Variants in NAGS observed in about 807,000 individuals in gnomAD.
NAGS encodes N-acetylglutamate synthase.
NAGS carries 34 observed loss-of-function variants against 46.9 expected under a neutral mutation model. The ratio of observed to expected loss-of-function variants is 0.72; its 90% CI spans 0.55 to 0.97. The LOEUF (loss-of-function observed/expected upper bound fraction) is 0.97. Ranked by LOEUF, NAGS falls within the 50% of genes least tolerant of loss-of-function variation. The probability of loss-of-function intolerance (pLI) is 0.00; values close to 1 mark genes in which losing one functional copy is unlikely to be tolerated. For missense variants in NAGS, 665 were observed against 747.0 expected, an observed-to-expected ratio of 0.89 and a Z score of 1.28; for synonymous variants, 334 against 346.3, an observed-to-expected ratio of 0.96 and a Z score of 0.39.
Position 44,005,174 on chromosome 17 carries a change from GC to G in NAGS, c.426+86del. 6.7e-7 allele frequency: 1 copy of G among 1,485,178 alleles called. No individual in the cohort carries two copies. 92.0% of individuals were successfully genotyped at this position (1,485,178 alleles called of 1,614,324 possible). ...GTCCTCAGGCATGGCAGGATACGCT[GC>G]GGGCTCTGCGCAGCGGAAGCGGGAA... On this transcript the variant is annotated intron_variant, in intron 1 of 6. Coordinates refer to ENST00000293404, the MANE Select transcript of NAGS (RefSeq NM_153006.3). The surrounding 1 kb of genome is among the most constrained non-coding windows in gnomAD (Gnocchi z 7.2).
In NAGS at chr17:44,007,201, T is replaced by C. The variant is rs762920984; in HGVS notation, c.1097-122T>C. 92 of 846,992 alleles carry C rather than the reference T, an allele frequency of 1.1e-4. No homozygotes were observed. The highest frequency in any genetic ancestry group is 1.6e-4 in the Non-Finnish European group (88 of 544,330). 52.5% of individuals were successfully genotyped at this position (846,992 alleles called of 1,614,324 possible). A position where few individuals can be genotyped will look rare whatever the true frequency, so the allele number is the denominator to read the frequency against. On this transcript the variant is annotated intron_variant, in intron 4 of 6. Transcript: ENST00000293404. The surrounding 1 kb of genome is among the most constrained non-coding windows in gnomAD (Gnocchi z 5.1). ...AAATCTATGCAGACCACTGAAATCA[T>C]TTCACTGTGGAGGTCTCCCAAAGAC...
In NAGS at chr17:44,007,076, G is replaced by A. The variant is rs2049103713; in HGVS notation, c.1097-247G>A. Reference sequence around the variant, plus strand: ...GCGGGAGACAGACTTCAAGGAGCGAGGCAAGACTAACGGAAGTGGGTGGGG... The same window carrying A: ...GCGGGAGACAGACTTCAAGGAGCGAAGCAAGACTAACGGAAGTGGGTGGGG... On this transcript the variant is annotated intron_variant, in intron 4 of 6. Coordinates refer to ENST00000293404, the MANE Select transcript of NAGS (RefSeq NM_153006.3). This position sits in a 1 kb window ranked among gnomAD's most constrained non-coding sequence, Gnocchi z 5.1. The A allele has an allele frequency of 3.4e-6, 2 of 593,042 alleles. No homozygotes were observed. The highest frequency in any genetic ancestry group is 3.7e-5 in the African/African-American group (2 of 53,716). The allele number at this position is 593,042 out of a possible 1,614,324, so 36.7% of individuals were successfully genotyped here. A position where few individuals can be genotyped will look rare whatever the true frequency, so the allele number is the denominator to read the frequency against.
chr17:44,008,068 A>C (rs1453278970), intron 6 of NAGS, among the ~76,000 whole-genome samples: 2 of 152,132 alleles, frequency 1.3e-5, no homozygotes, highest in Non-Finnish European at 2.9e-5. Flanking sequence ...CTCCAGTGGA[A>C]CATCCCTCCT....
Position 44,008,953 on chromosome 17 carries a change from C to T in NAGS, c.*352C>T. On this transcript the variant is annotated 3_prime_UTR_variant, in exon 7 of 7. Coordinates refer to ENST00000293404, the MANE Select transcript of NAGS (RefSeq NM_153006.3). Reference sequence around the variant, plus strand: ...TGTGCCTCTGTGCTATGTTTTGAGGCTCCCTTACCCAAAATAATACCCCTG... The same window carrying T: ...TGTGCCTCTGTGCTATGTTTTGAGGTTCCCTTACCCAAAATAATACCCCTG... The T allele has an allele frequency of 2.9e-6, 1 of 347,968 alleles. No homozygotes were observed. The highest frequency in any genetic ancestry group is 5.7e-5 in the East Asian group (1 of 17,410). The allele number at this position is 347,968 out of a possible 1,614,324, so 21.6% of individuals were successfully genotyped here.
In NAGS at chr17:44,006,008, C is replaced by G; in HGVS notation, c.702-16C>G. 2.5e-6 allele frequency: 4 copies of G among 1,588,466 alleles called. No individual in the cohort carries two copies. The highest frequency in any genetic ancestry group is 3.4e-6 in the Non-Finnish European group (4 of 1,170,004). On this transcript the variant is annotated splice_polypyrimidine_tract_variant and intron_variant, in intron 2 of 6. Transcript: ENST00000293404. This position sits in a 1 kb window ranked among gnomAD's most constrained non-coding sequence, Gnocchi z 4.8. ...GCCTGGAGGGGGCCCTCTCGAGCAC[C>G]ACGTCTGGCCCACAGCTACGGCGGC...
At position 44,005,205 on chromosome 17, in the gene NAGS, C is replaced by T; in HGVS notation, c.426+116C>T. On this transcript the variant is annotated intron_variant, in intron 1 of 6. Transcript: ENST00000293404. This position sits in a 1 kb window ranked among gnomAD's most constrained non-coding sequence, Gnocchi z 7.2. ...TCTGCGCAGCGGAAGCGGGAAGGAG[C>T]CCGGCAGGGCCCAGACCAGCGCCGC... is the stretch of plus-strand genomic sequence containing the variant. 6.9e-7 allele frequency: 1 copy of T among 1,451,766 alleles called. No individual in the cohort carries two copies. The highest frequency in any genetic ancestry group is 9.1e-7 in the Non-Finnish European group (1 of 1,102,712). 89.9% of individuals were successfully genotyped at this position (1,451,766 alleles called of 1,614,324 possible).
chr17:44,005,921 C>T lies in NAGS; in HGVS notation c.701+10C>T, dbSNP rs1375450293. 2 of 1,546,872 alleles carry T rather than the reference C, an allele frequency of 1.3e-6. No homozygotes were observed. The highest frequency in any genetic ancestry group is 1.7e-6 in the Non-Finnish European group (2 of 1,150,460). On this transcript the variant is annotated intron_variant, in intron 2 of 6. Transcript: ENST00000293404. The surrounding 1 kb of genome is among the most constrained non-coding windows in gnomAD (Gnocchi z 7.2). ...CGGCTCCCCATGCCAGGTGAGTGCCCGCCCTGCCCGCCCAGGCGTCCTCAG... is the reference window on the plus strand; with the variant it reads ...CGGCTCCCCATGCCAGGTGAGTGCCTGCCCTGCCCGCCCAGGCGTCCTCAG...
rs2049068686 is a variant in NAGS at position 44,005,149 on chromosome 17, G to A, written c.426+60G>A. 9 of 1,518,700 alleles carry A rather than the reference G, an allele frequency of 5.9e-6. No homozygotes were observed. The highest frequency in any genetic ancestry group is 7.1e-6 in the Non-Finnish European group (8 of 1,133,110). 94.1% of individuals were successfully genotyped at this position (1,518,700 alleles called of 1,614,324 possible). A position where few individuals can be genotyped will look rare whatever the true frequency, so the allele number is the denominator to read the frequency against. On this transcript the variant is annotated intron_variant, in intron 1 of 6. Transcript: ENST00000293404. The surrounding 1 kb of genome is among the most constrained non-coding windows in gnomAD (Gnocchi z 7.2). ...AGGGGATGGGGTTGTGCGGCCACCT[G>A]TCCTCAGGCATGGCAGGATACGCTG... is the stretch of plus-strand genomic sequence containing the variant.
Position 44,005,707 on chromosome 17 carries a change from G to A in NAGS, c.497G>A (p.Arg166His), listed in dbSNP as rs772840952. The A allele has an allele frequency of 1.2e-6, 2 of 1,601,090 alleles. No individual in the cohort carries two copies. Among genetic ancestry groups the A allele is most frequent in the Non-Finnish European group, 1.7e-6 (2 of 1,174,246 alleles). Reference sequence around the variant, plus strand: ...GCCTTTGCCCTGGCCTTCTTGCAGCGCATGGACATGAAGCCGCTGGTGGTC... The same window carrying A: ...GCCTTTGCCCTGGCCTTCTTGCAGCACATGGACATGAAGCCGCTGGTGGTC... ...SLAFALAFLQ[R>H]MDMKPLVVLG... Residue 166 changes from arginine to histidine, a missense_variant, in exon 2 of 7, where the codon CGC becomes CAC. Transcript: ENST00000293404. The surrounding 1 kb of genome is among the most constrained non-coding windows in gnomAD (Gnocchi z 7.2).
rs1307097027 is a variant in NAGS, at chr17:44,005,884, G to C, written c.674G>C (p.Arg225Pro). 1.9e-6 allele frequency: 3 copies of C among 1,547,780 alleles called. No individual in the cohort carries two copies. The highest frequency in any genetic ancestry group is 2.6e-6 in the Non-Finnish European group (3 of 1,149,728). Reference sequence around the variant, plus strand: ...TTTTTTGGCGGCGGGTCTGTGCTACGCGCTGCCGAGCCGGCTCCCCATGCC... The same window carrying C: ...TTTTTTGGCGGCGGGTCTGTGCTACCCGCTGCCGAGCCGGCTCCCCATGCC... ...VPFFGGGSVL[R>P]AAEPAPHASY... is the part of the protein sequence containing the mutation. The change falls in exon 2 of 7, where the codon CGC (arginine) becomes CCC (proline). Residue 225 changes from arginine (R) to proline (P), a missense_variant. Arg to Pro is a moderately radical substitution (Grantham distance 103). Coordinates refer to ENST00000293404, the MANE Select transcript of NAGS (RefSeq NM_153006.3). This position sits in a 1 kb window ranked among gnomAD's most constrained non-coding sequence, Gnocchi z 7.2.
chr17:44,006,975 G>C lies in NAGS; in HGVS notation c.1096+266G>C. On this transcript the variant is annotated intron_variant, in intron 4 of 6. Transcript: ENST00000293404. This position sits in a 1 kb window ranked among gnomAD's most constrained non-coding sequence, Gnocchi z 4.8. ...AAGGAGGGGCCCCCCGGTGGGCGGG[G>C]CCAGGGGCGGGACCATAAGGGAGGT... The C allele has an allele frequency of 2.2e-6, 1 of 454,932 alleles. No homozygotes were observed. Among genetic ancestry groups the C allele is most frequent in the East Asian group, 5.7e-5 (1 of 17,690 alleles). The allele number at this position is 454,932 out of a possible 1,614,324, so 28.2% of individuals were successfully genotyped here. A position where few individuals can be genotyped will look rare whatever the true frequency, so the allele number is the denominator to read the frequency against.
Position 44,007,353 on chromosome 17 carries a change from G to T in NAGS, c.1127G>T (p.Arg376Leu), listed in dbSNP as rs2049107133. Residue 376 changes from arginine to leucine, a missense_variant, in exon 5 of 7, where the codon CGA (arginine) becomes CTA (leucine). Transcript: ENST00000293404. The surrounding 1 kb of genome is among the most constrained non-coding windows in gnomAD (Gnocchi z 5.1). ...GSGTLFKNAE[R>L]MLRVRSLDKL... The stretch of plus-strand genomic sequence containing the variant: ...GGGACCCTGTTCAAGAACGCCGAGC[G>T]AATGCTACGGGTGCGCAGCCTGGAC... 6.2e-7 allele frequency: 1 copy of T among 1,613,804 alleles called. No individual in the cohort carries two copies. Among genetic ancestry groups the T allele is most frequent in the Middle Eastern group, 1.7e-4 (1 of 6,058 alleles).
In NAGS at chr17:44,006,229, A is replaced by C; in HGVS notation, c.907A>C (p.Ser303Arg). The stretch of plus-strand genomic sequence containing the variant: ...TAACACAGGCGGCCTGCGCGACAGC[A>C]GTCATAAGGTGCGGCCCTTTCTTTC... ...LNNTGGLRDS[S>R]HKVLSNVNLP... Residue 303 changes from serine to arginine, a missense_variant, in exon 3 of 7, where the codon AGT (serine) becomes CGT (arginine). Transcript: ENST00000293404. This position sits in a 1 kb window ranked among gnomAD's most constrained non-coding sequence, Gnocchi z 4.8. The C allele has an allele frequency of 6.2e-7, 1 of 1,613,130 alleles. No individual in the cohort carries two copies. The highest frequency in any genetic ancestry group is 8.5e-7 in the Non-Finnish European group (1 of 1,179,972).
rs773994257 is a variant in NAGS, at chr17:44,004,972, G to A, written c.309G>A (p.Gln103=). ...CTCCTTCGGGCCGCTCGCTGGTGCAGCGGGACATCCAGGCCTTCCTGAACC... is the reference window on the plus strand; with the variant it reads ...CTCCTTCGGGCCGCTCGCTGGTGCAACGGGACATCCAGGCCTTCCTGAACC... The part of the protein sequence containing the change: ...PEPPSGRSLV[Q]RDIQAFLNQC... The change falls in exon 1 of 7, where the codon CAG becomes CAA. Residue 103 remains glutamine, a synonymous_variant. Coordinates refer to ENST00000293404, the MANE Select transcript of NAGS (RefSeq NM_153006.3). 1 of 1,541,252 alleles carries A rather than the reference G, an allele frequency of 6.5e-7. No individual in the cohort carries two copies. The highest frequency in any genetic ancestry group is 1.2e-5 in the South Asian group (1 of 84,324).
chr17:44,007,777 G>T lies in NAGS; in HGVS notation c.1451+4G>T, dbSNP rs762600299. The T allele has an allele frequency of 1.3e-6, 2 of 1,557,792 alleles. No homozygotes were observed. Among genetic ancestry groups the T allele is most frequent in the South Asian group, 1.2e-5 (1 of 84,434 alleles). On this transcript the variant is annotated splice_donor_region_variant and intron_variant, in intron 6 of 6. Coordinates refer to ENST00000293404, the MANE Select transcript of NAGS (RefSeq NM_153006.3). This position sits in a 1 kb window ranked among gnomAD's most constrained non-coding sequence, Gnocchi z 5.1. ...TCACCAACCCCATCAATCCCTGGTA[G>T]GTCCTGCCACTCCCAGCTCTGGGCT... is the stretch of plus-strand genomic sequence containing the variant.
Position 44,006,400 on chromosome 17 carries a change from C to A in NAGS, c.916-129C>A. On this transcript the variant is annotated intron_variant, in intron 3 of 6. Transcript: ENST00000293404. The surrounding 1 kb of genome is among the most constrained non-coding windows in gnomAD (Gnocchi z 4.8). Reference sequence around the variant, plus strand: ...GTTCAGCCCTGGGTGCCCAGATCTGCGCCCTCCCTGGCTAAGGACTCCGGG... The same window carrying A: ...GTTCAGCCCTGGGTGCCCAGATCTGAGCCCTCCCTGGCTAAGGACTCCGGG... 6.8e-7 allele frequency: 1 copy of A among 1,464,726 alleles called. No individual in the cohort carries two copies. Among genetic ancestry groups the A allele is most frequent in the Non-Finnish European group, 9.3e-7 (1 of 1,074,094 alleles). The allele number at this position is 1,464,726 out of a possible 1,614,324, so 90.7% of individuals were successfully genotyped here.
At position 44,007,120 on chromosome 17, in the gene NAGS, A is replaced by C. The variant is rs2049104308; in HGVS notation, c.1097-203A>C. The stretch of plus-strand genomic sequence containing the variant: ...GGTGGGGCTCCAGGCGACAGGAGGA[A>C]CTTGGGGCACAATCTCTGCCTGGGG... On this transcript the variant is annotated intron_variant, in intron 4 of 6. Coordinates refer to ENST00000293404, the MANE Select transcript of NAGS (RefSeq NM_153006.3). The surrounding 1 kb of genome is among the most constrained non-coding windows in gnomAD (Gnocchi z 5.1). The C allele has an allele frequency of 8.1e-6, 5 of 617,304 alleles. No homozygotes were observed. Among genetic ancestry groups the C allele is most frequent in the Non-Finnish European group, 1.4e-5 (5 of 354,790 alleles). 38.2% of individuals were successfully genotyped at this position (617,304 alleles called of 1,614,324 possible).
Position 44,007,555 on chromosome 17 carries a change from G to C in NAGS, c.1269-36G>C. On this transcript the variant is annotated intron_variant, in intron 5 of 6. Transcript: ENST00000293404. The surrounding 1 kb of genome is among the most constrained non-coding windows in gnomAD (Gnocchi z 5.1). ...GGCAGTCGGGCAGCTTCGGACCAAG[G>C]AGAGGTCCCAGCCTGCCGCTCTCCC... 6.2e-7 allele frequency: 1 copy of C among 1,612,222 alleles called. No individual in the cohort carries two copies. The highest frequency in any genetic ancestry group is 8.5e-7 in the Non-Finnish European group (1 of 1,179,418).
Position 44,005,015 on chromosome 17 carries a change from G to T in NAGS, c.352G>T (p.Gly118Trp). ...AFLNQCGASP[G>W]EARHWLTQFQ... ...CCTGAACCAGTGCGGGGCCAGCCCT[G>T]GGGAGGCGCGCCACTGGCTCACGCA... Residue 118 changes from glycine to tryptophan, a missense_variant, in exon 1 of 7, where the codon GGG (glycine) becomes TGG (tryptophan). Transcript: ENST00000293404. The surrounding 1 kb of genome is among the most constrained non-coding windows in gnomAD (Gnocchi z 7.2). 6.4e-7 allele frequency: 1 copy of T among 1,560,758 alleles called. No individual in the cohort carries two copies. The highest frequency in any genetic ancestry group is 8.6e-7 in the Non-Finnish European group (1 of 1,158,930).
Sources: gnomAD v4.1 joint callset for allele counts (sites outside exome capture counted in the v4.1 genomes callset) on GRCh38, gnomAD v4.1.1 for gene constraint, Gnocchi (gnomAD v3.1) non-coding constraint, MANE v1.5 for transcripts, NCBI Gene and HGNC (gene_info 2026-07-23, HGNC 2026-07-21) for gene names.